TRIM49: variants seen among roughly 807,000 people sequenced by gnomAD.
TRIM49 encodes tripartite motif containing 49.
A neutral mutation model predicts 27.4 loss-of-function variants in TRIM49; 5 were observed. That is an observed-to-expected ratio of 0.18 (90% CI 0.10 to 0.38). The LOEUF is 0.38. TRIM49 is among the 10% of genes least tolerant of loss of function. The probability of loss-of-function intolerance (pLI) is 1.00; values close to 1 mark genes in which losing one functional copy is unlikely to be tolerated. For synonymous variants in TRIM49, 69 were observed against 166.0 expected (o/e 0.42, Z 4.49); for missense variants, 188 against 487.5 (o/e 0.39, Z 5.79).
downstream of TRIM49, among the ~76,000 whole-genome samples, chr11:89,796,469 C>G (rs1949689973): frequency 7.4e-6 from 1 of 135,042 alleles, no homozygotes; most frequent in African/African-American, 3.3e-5. Context: ...CTCCTGGCCA[C>G]AAGACGTTCT....
At chr11:89,782,930 T>C in the TRIM49 span, among the ~76,000 whole-genome samples, 1 of 119,418 alleles carries the variant, frequency 8.4e-6, no homozygotes, top group East Asian at 2.8e-4. Context: ...TTGTCTTACT[T>C]GTATATTTGA....
At chr11:89,790,296 G>GGCCT in the TRIM49 span, among the ~76,000 whole-genome samples, 1 of 141,702 alleles carries the variant, frequency 7.1e-6, no homozygotes, top group South Asian at 2.3e-4. Flanking sequence ...AGCTCAAGGA[G>GGCCT]GCCTGCCTGC....
intron 2 of TRIM49, among the ~76,000 whole-genome samples, chr11:89,806,531 T>A (rs1288948163): frequency 2.0e-5 from 3 of 150,284 alleles, no homozygotes; most frequent in Non-Finnish European, 4.4e-5. Flanking sequence ...CACAGTTTAA[T>A]AAGATTGAGA....
At chr11:89,795,962 C>T (rs1381707092), downstream of TRIM49, among the ~76,000 whole-genome samples, 1 of 151,892 alleles carries the variant, frequency 6.6e-6, no homozygotes, top group African/African-American at 2.4e-5. Flanking sequence ...AGGCTTCAGG[C>T]ACCCAATAAT....
At chr11:89,791,122 G>A in the TRIM49 span, among the ~76,000 whole-genome samples, 8 of 151,038 alleles carry the variant, frequency 5.3e-5, 1 homozygote, top group Non-Finnish European at 1.0e-4. Context: ...TAGCTGATTC[G>A]ATCAACTGGA....
At chr11:89,777,426 C>T in the TRIM49 span, 3 of 1,532,380 alleles carry the variant, frequency 2.0e-6, no homozygotes, top group African/African-American at 1.4e-5. Flanking sequence ...TATACAGAAT[C>T]CCAAATAAGA....
At chr11:89,798,817 TG>T in intron 7 of TRIM49, among the ~76,000 whole-genome samples, 188 bp from the exon 8 acceptor site, 1 of 108,740 alleles carries the variant, frequency 9.2e-6, no homozygotes, top group Non-Finnish European at 1.7e-5. Context: ...ACAGATATTA[TG>T]TTTTTTTTTT....
At chr11:89,807,423 A>G in intron 1 of TRIM49, 139 bp from the exon 2 acceptor site, 1 of 151,572 alleles carries the variant, frequency 6.6e-6, no homozygotes, top group Non-Finnish European at 1.5e-5. Context: ...CATTCTGAAC[A>G]CCAGTGCCTG....
At chr11:89,767,735 A>G in the TRIM49 span, among the ~76,000 whole-genome samples, 407 of 133,046 alleles carry the variant, frequency 3.1e-3, 13 homozygotes, top group African/African-American at 0.014. Flanking sequence ...TAAGTTACTC[A>G]TGTATGCTTT....
the TRIM49 span, chr11:89,766,577 G>T: frequency 7.7e-6 from 6 of 777,864 alleles, 1 homozygote; most frequent in African/African-American, 6.8e-5. Context: ...GAACAGTCAG[G>T]TTTCTTAATC....
downstream of TRIM49, among the ~76,000 whole-genome samples, chr11:89,797,109 C>G (rs577586563): frequency 1.3e-5 from 2 of 151,910 alleles, no homozygotes; most frequent in African/African-American, 4.8e-5. Flanking sequence ...TGGATTAATT[C>G]TTACTTTTGT....
downstream of TRIM49, among the ~76,000 whole-genome samples, chr11:89,793,302 G>T (rs552868126): frequency 7.9e-5 from 12 of 152,188 alleles, no homozygotes; most frequent in African/African-American, 2.9e-4. Context: ...TCTACTAGAG[G>T]TACAAGGAGG....
the TRIM49 span, chr11:89,768,106 A>G: frequency 4.0e-6 from 3 of 751,436 alleles, no homozygotes; most frequent in South Asian, 1.5e-5. Context: ...CTAGATGAAA[A>G]ATCGTTACAC....
chr11:89,768,048 T>G, the TRIM49 span: 2 of 478,462 alleles, frequency 4.2e-6, no homozygotes, highest in Non-Finnish European at 7.4e-6. Flanking sequence ...TGTTTGAGGA[T>G]AGTGAAACTA....
chr11:89,796,761 T>C (rs1949692600), downstream of TRIM49, among the ~76,000 whole-genome samples: 1 of 151,822 alleles, frequency 6.6e-6, no homozygotes, highest in South Asian at 2.1e-4. Context: ...AGTGAGTTAT[T>C]TATTGTTTTA....
chr11:89,800,909 G>T, intron 6 of TRIM49, 57 bp downstream of exon 6: 1 of 1,016,502 alleles, frequency 9.8e-7, no homozygotes, highest in Non-Finnish European at 1.4e-6. Flanking sequence ...AATAGAGCCT[G>T]CTTTGATAGT....
At chr11:89,803,518 T>C (rs1355482108) in intron 4 of TRIM49, among the ~76,000 whole-genome samples, 180 bp downstream of exon 4, 1 of 151,720 alleles carries the variant, frequency 6.6e-6, no homozygotes, top group Admixed American at 6.6e-5. Flanking sequence ...TTAGAAATCC[T>C]ACCTAACAGG....
intron 2 of TRIM49, 39 bp from the exon 3 acceptor site, chr11:89,804,512 G>C: frequency 6.5e-7 from 1 of 1,531,066 alleles, no homozygotes; most frequent in South Asian, 1.2e-5. Context: ...TGGGGCCTGG[G>C]TTGATGAAAA....
At chr11:89,805,161 T>C (rs1949779146) in intron 2 of TRIM49, among the ~76,000 whole-genome samples, 1 of 151,758 alleles carries the variant, frequency 6.6e-6, no homozygotes, top group African/African-American at 2.4e-5. Context: ...ATTAAAGATA[T>C]TGGGTCTTTT....
Sources: gnomAD v4.1 joint callset for allele counts (sites outside exome capture counted in the v4.1 genomes callset) on GRCh38, gnomAD v4.1.1 for gene constraint, MANE v1.5 for transcripts, NCBI Gene and HGNC (gene_info 2026-07-23, HGNC 2026-07-21) for gene names.